The following FER1L6 variants were observed in gnomAD, a reference collection of about 807,000 sequenced individuals.
FER1L6 encodes the protein fer-1-like protein 6.
Under a neutral mutation model 219.2 loss-of-function variants are expected in FER1L6, and 177 were observed. The observed-to-expected ratio is 0.81, with a 90% confidence interval of 0.71 to 0.91. The LOEUF (loss-of-function observed/expected upper bound fraction) is 0.91, where lower values mean the gene tolerates loss of function less well. FER1L6 is among the 40% of genes least tolerant of loss of function. FER1L6 has a pLI of 0.00. For missense variants in FER1L6, 2,153 were observed against 2,259.9 expected, an observed-to-expected ratio of 0.95 and a Z score of 0.96; for synonymous variants, 768 against 824.3, an observed-to-expected ratio of 0.93 and a Z score of 1.17.
intron 1 of FER1L6, among the ~76,000 whole-genome samples, chr8:123,928,947 G>A (rs571321913): frequency 6.6e-6 from 1 of 152,262 alleles, no homozygotes; most frequent in African/African-American, 2.4e-5. Flanking sequence ...GGAAATGGGG[G>A]TGACTTAATT....
At chr8:124,106,008 G>A (rs1435507270) in intron 39 of FER1L6, among the ~76,000 whole-genome samples, 2 of 152,142 alleles carry the variant, frequency 1.3e-5, no homozygotes, top group East Asian at 3.9e-4. Context: ...GGTAGAAGGG[G>A]AATGGGGAGC....
chr8:123,855,613 C>T (rs1306492242), intron 1 of FER1L6, among the ~76,000 whole-genome samples: 1 of 149,850 alleles, frequency 6.7e-6, no homozygotes, highest in African/African-American at 2.5e-5. Context: ...CCCACTGGAC[C>T]CCACAAAGTT....
intron 1 of FER1L6, among the ~76,000 whole-genome samples, chr8:123,893,516 G>A (rs1391745348): frequency 6.6e-6 from 1 of 152,148 alleles, no homozygotes; most frequent in African/African-American, 2.4e-5. Context: ...GTATACATAT[G>A]TAAACAGGAT....
intron 24 of FER1L6, among the ~76,000 whole-genome samples, chr8:124,061,565 T>A (rs1394068222): frequency 1.3e-5 from 2 of 152,128 alleles, no homozygotes; most frequent in African/African-American, 2.4e-5. Flanking sequence ...TGTTGGCAGA[T>A]AATGACAAAA....
intron 25 of FER1L6, 76 bp downstream of exon 25, chr8:124,062,108 G>A: frequency 6.7e-7 from 1 of 1,497,420 alleles, no homozygotes; most frequent in Non-Finnish European, 9.2e-7. Context: ...TGTGGGATTG[G>A]CTCAAAGAGG....
At chr8:124,096,400 G>T (rs1822291715) in intron 35 of FER1L6, among the ~76,000 whole-genome samples, 1 of 152,074 alleles carries the variant, frequency 6.6e-6, no homozygotes, top group African/African-American at 2.4e-5. Flanking sequence ...TCCAAATCCT[G>T]CATCTTCTTC....
intron 12 of FER1L6, among the ~76,000 whole-genome samples, chr8:124,001,959 T>C (rs1817427907): frequency 6.6e-6 from 1 of 152,080 alleles, no homozygotes; most frequent in Non-Finnish European, 1.5e-5. Flanking sequence ...AAGGTTTGGG[T>C]GGCATGCTCT....
intron 18 of FER1L6, among the ~76,000 whole-genome samples, chr8:124,024,649 G>C (rs1818625109): frequency 6.6e-6 from 1 of 152,098 alleles, no homozygotes; most frequent in Admixed American, 6.5e-5. Flanking sequence ...TTGCAATTTT[G>C]AATTGTGCTA....
At chr8:123,970,190 G>A in intron 6 of FER1L6, 93 bp downstream of exon 6, 2 of 1,155,096 alleles carry the variant, frequency 1.7e-6, no homozygotes, top group Admixed American at 1.7e-5. Flanking sequence ...ACTTAGCGGG[G>A]AATAGATTCA....
At chr8:124,028,419 T>G (rs1818805195) in intron 18 of FER1L6, among the ~76,000 whole-genome samples, 1 of 152,140 alleles carries the variant, frequency 6.6e-6, no homozygotes, top group African/African-American at 2.4e-5. Flanking sequence ...TTTATGCCCC[T>G]TTCTCTTCAC....
chr8:123,966,929 A>G (rs1242912133), intron 5 of FER1L6, among the ~76,000 whole-genome samples: 1 of 151,996 alleles, frequency 6.6e-6, no homozygotes, highest in Non-Finnish European at 1.5e-5. Context: ...AAAATACAAA[A>G]AAATTAGCCA....
intron 23 of FER1L6, 78 bp downstream of exon 23, chr8:124,060,368 T>C: frequency 1.4e-6 from 2 of 1,478,836 alleles, no homozygotes; most frequent in Non-Finnish European, 1.9e-6. Flanking sequence ...GGAGAGGTGA[T>C]ATGGAATGGG....
At chr8:123,872,626 A>G (rs1816944524) in intron 1 of FER1L6, among the ~76,000 whole-genome samples, 1 of 152,192 alleles carries the variant, frequency 6.6e-6, no homozygotes, top group Non-Finnish European at 1.5e-5. Flanking sequence ...TAATAACAGG[A>G]TTCTGGGCAT....
intron 25 of FER1L6, 137 bp from the exon 26 acceptor site, chr8:124,064,210 A>G (rs1820722262): frequency 5.2e-6 from 4 of 764,836 alleles, no homozygotes; most frequent in Admixed American, 2.5e-5. Context: ...CATTTTATAC[A>G]TAAGAAAATG....
rs1563715792 is a variant in FER1L6 at position 123,970,102 on chromosome 8, G to A, written c.447+5G>A. The A allele has an allele frequency of 3.1e-6, 5 of 1,613,302 alleles. No homozygotes were observed. Among genetic ancestry groups the A allele is most frequent in the Middle Eastern group, 1.7e-4 (1 of 6,060 alleles). ...GACAAGATCATCAAAATCTCCGTAA[G>A]TATAGCATTGGTGGTAATAGTTGTG... On this transcript the variant is annotated splice_donor_5th_base_variant and intron_variant, in intron 6 of 40. Coordinates refer to ENST00000522917, the MANE Select transcript of FER1L6 (RefSeq NM_001039112.2).
chr8:124,064,479 C>T lies in FER1L6; in HGVS notation c.3461C>T (p.Pro1154Leu), dbSNP rs367775535. ...GTGCCCGACTCTGCCCAGGCCCAGC[C>T]GGCCATCCTGGTTGACGTCCCTGAC... is the stretch of plus-strand genomic sequence containing the variant. ...TVVPDSAQAQ[P>L]AILVDVPDSS... The change falls in exon 26 of 41, where the codon CCG becomes CTG. Residue 1154 changes from proline to leucine, a missense_variant. Physicochemically the swap from Pro to Leu is moderately conservative, Grantham distance 98. Transcript: ENST00000522917. 69 of 1,613,944 alleles carry T rather than the reference C, an allele frequency of 4.3e-5. No homozygotes were observed. Among genetic ancestry groups the T allele is most frequent in the Middle Eastern group, 1.6e-4 (1 of 6,082 alleles).
At chr8:124,063,514 C>G (rs1417941617) in intron 25 of FER1L6, among the ~76,000 whole-genome samples, 1 of 152,152 alleles carries the variant, frequency 6.6e-6, no homozygotes, top group African/African-American at 2.4e-5. Context: ...CACCGTTTTC[C>G]CCCAAAGGGT....
At position 123,852,482 on chromosome 8, in the gene FER1L6, G is replaced by A. The variant is rs1324433737; in HGVS notation, c.-8+297G>A. The stretch of plus-strand genomic sequence containing the variant: ...ATGTTGTGAGCATGCGTGTGTGTGT[G>A]TGTGTGTGTGTGTGTGTGTGTGTGT... On this transcript the variant is annotated intron_variant, in intron 1 of 40. Transcript: ENST00000522917. The surrounding 1 kb of genome is among the most constrained non-coding windows in gnomAD (Gnocchi z 4.9). Among the ~76,000 whole-genome samples, 2 of 146,424 alleles carry A rather than the reference G, an allele frequency of 1.4e-5. No individual in the cohort carries two copies. Among genetic ancestry groups the A allele is most frequent in the Non-Finnish European group, 3.0e-5 (2 of 65,834 alleles).
intron 23 of FER1L6, 75 bp from the exon 24 acceptor site, chr8:124,060,464 GTCTAACTTT>G (rs911643135): frequency 5.1e-6 from 8 of 1,565,050 alleles, no homozygotes; most frequent in Non-Finnish European, 7.0e-6. Context: ...CAGGGAGCAG[GTCTAACTTT>G]TCCACACAGA....
Sources: gnomAD v4.1 joint callset for allele counts (sites outside exome capture counted in the v4.1 genomes callset) on GRCh38, gnomAD v4.1.1 for gene constraint, Gnocchi (gnomAD v3.1) non-coding constraint, MANE v1.5 for transcripts, NCBI Gene and HGNC (gene_info 2026-07-23, HGNC 2026-07-21) for gene names.